The following PRKCE variants were observed in gnomAD, a reference collection of about 807,000 sequenced individuals.
The protein encoded by PRKCE is protein kinase C epsilon type.
In PRKCE, 16 loss-of-function variants were observed where a neutral mutation model predicts 85.4. The observed-to-expected ratio is 0.19, with a 90% CI of 0.13 to 0.28. The LOEUF (loss-of-function observed/expected upper bound fraction) is 0.28, where lower values mean the gene tolerates loss of function less well. Among genes scored for constraint, PRKCE ranks in the 10% least tolerant of loss-of-function variants. PRKCE has a pLI of 1.00. For missense variants in PRKCE, 573 were observed against 975.2 expected (o/e 0.59, Z 5.49); for synonymous variants, 388 against 371.5 (o/e 1.04, Z -0.51).
At chr2:46,057,635 C>T (rs867844483) in intron 10 of PRKCE, among the ~76,000 whole-genome samples, 2 of 151,972 alleles carry the variant, frequency 1.3e-5, no homozygotes, top group Non-Finnish European at 2.9e-5. Context: ...GGTTTCGCCA[C>T]GTTGGCCAGG....
In PRKCE at chr2:45,887,664, C is replaced by G. The variant is rs1482029057; in HGVS notation, c.412+44601C>G. Among the ~76,000 whole-genome samples the G allele has an allele frequency of 6.6e-5, 10 of 152,210 alleles. No homozygotes were observed. The East Asian group carries it at 1.9e-3, about 29-fold the overall frequency. The stretch of plus-strand genomic sequence containing the variant: ...TGACTTTTATGGTTCTAGAACCATG[C>G]CACATCAGCTATGATCAGCATCTGC... On this transcript the variant is annotated intron_variant, in intron 2 of 14. Transcript: ENST00000306156.
chr2:45,785,600 C>G (rs1686539676), intron 1 of PRKCE, among the ~76,000 whole-genome samples: 1 of 152,144 alleles, frequency 6.6e-6, no homozygotes, highest in South Asian at 2.1e-4. Context: ...AGGGGAGCTA[C>G]TACTTCAGGT....
intron 2 of PRKCE, among the ~76,000 whole-genome samples, chr2:45,909,347 T>C (rs1033805160): frequency 3.3e-5 from 5 of 152,224 alleles, no homozygotes; most frequent in African/African-American, 1.2e-4. Flanking sequence ...ATGTGGATGT[T>C]CATTTTCTCA....
intron 2 of PRKCE, among the ~76,000 whole-genome samples, chr2:45,958,615 C>A (rs1409950148): frequency 6.7e-6 from 1 of 150,170 alleles, no homozygotes; most frequent in East Asian, 1.9e-4. Flanking sequence ...TGGCCTCTCA[C>A]ACACCCCCTA....
At chr2:45,991,160 C>T (rs536826470) in intron 6 of PRKCE, among the ~76,000 whole-genome samples, 17 of 152,122 alleles carry the variant, frequency 1.1e-4, no homozygotes, top group South Asian at 6.2e-4. Flanking sequence ...GCACCTGCCA[C>T]CACGCCCGGC....
chr2:45,782,772 C>T (rs1218563424), intron 1 of PRKCE, among the ~76,000 whole-genome samples: 1 of 151,914 alleles, frequency 6.6e-6, no homozygotes, highest in African/African-American at 2.4e-5. Context: ...CACACACATA[C>T]ACACACACAC....
At chr2:45,687,646 G>A (rs1677403275) in intron 1 of PRKCE, among the ~76,000 whole-genome samples, 2 of 152,140 alleles carry the variant, frequency 1.3e-5, no homozygotes, top group Admixed American at 1.3e-4. Flanking sequence ...ATTACTCTAT[G>A]TTTCATTTTG....
At chr2:45,983,128 C>T (rs1703024468) in intron 5 of PRKCE, among the ~76,000 whole-genome samples, 1 of 152,176 alleles carries the variant, frequency 6.6e-6, no homozygotes, top group Non-Finnish European at 1.5e-5. Context: ...CCAGGCAAGA[C>T]CTCAAGTGGT....
intron 10 of PRKCE, among the ~76,000 whole-genome samples, chr2:46,040,664 T>C (rs1047954905): frequency 5.3e-5 from 8 of 152,174 alleles, no homozygotes; most frequent in Non-Finnish European, 1.2e-4. Flanking sequence ...AAATCTGCCT[T>C]TAAGTCTTCT....
intron 2 of PRKCE, among the ~76,000 whole-genome samples, chr2:45,918,692 A>G (rs1310466810): frequency 1.3e-5 from 2 of 152,188 alleles, no homozygotes; most frequent in African/African-American, 2.4e-5. Flanking sequence ...CTAAAGGCAC[A>G]TGTAGGAATG....
intron 2 of PRKCE, among the ~76,000 whole-genome samples, chr2:45,892,708 G>A (rs1490502354): frequency 6.6e-6 from 1 of 152,200 alleles, no homozygotes; most frequent in Non-Finnish European, 1.5e-5. Context: ...ACTCAAGAAT[G>A]TGTCTGTATA....
chr2:46,082,956 A>AT lies in PRKCE; in HGVS notation c.1438-3243dup, dbSNP rs927494275. Among the ~76,000 whole-genome samples the AT allele has an allele frequency of 8.6e-5, 13 of 151,558 alleles. No homozygotes were observed. The South Asian group carries it at 1.5e-3, about 17-fold the overall frequency. On this transcript the variant is annotated intron_variant, in intron 10 of 14. Transcript: ENST00000306156. ...CAGCTTCTATTACTCAATCATCCTG[A>AT]TTTTTTTTTGAGACGGAGTTTCTCT...
intron 2 of PRKCE, among the ~76,000 whole-genome samples, chr2:45,916,371 C>T (rs1367287447): frequency 6.6e-6 from 1 of 151,440 alleles, no homozygotes; most frequent in Non-Finnish European, 1.5e-5. Flanking sequence ...TCTCAAGTAG[C>T]TGGGACTAGA....
intron 10 of PRKCE, among the ~76,000 whole-genome samples, chr2:46,084,176 A>C (rs1669362671): frequency 6.6e-6 from 1 of 152,246 alleles, no homozygotes; most frequent in Non-Finnish European, 1.5e-5. Flanking sequence ...GGGCAAAGTA[A>C]ATGGAAGAAA....
At chr2:45,762,031 C>A (rs1274038098) in intron 1 of PRKCE, among the ~76,000 whole-genome samples, 1 of 152,192 alleles carries the variant, frequency 6.6e-6, no homozygotes, top group Non-Finnish European at 1.5e-5. Context: ...CCCACCCTCT[C>A]ACATGGGTTC....
intron 10 of PRKCE, among the ~76,000 whole-genome samples, chr2:46,029,275 T>G (rs1285747366): frequency 6.6e-6 from 1 of 152,220 alleles, no homozygotes; most frequent in African/African-American, 2.4e-5. Flanking sequence ...GAATTGGATT[T>G]GAACCAAGGC....
chr2:45,870,663 T>A (rs1214682806), intron 2 of PRKCE, among the ~76,000 whole-genome samples: 6 of 152,150 alleles, frequency 3.9e-5, no homozygotes, highest in African/African-American at 2.4e-5. Context: ...AGCCTCGTGG[T>A]CAAGGGTGTA....
chr2:45,944,762 A>G (rs1350525268), intron 2 of PRKCE, among the ~76,000 whole-genome samples: 2 of 141,374 alleles, frequency 1.4e-5, no homozygotes, highest in African/African-American at 5.4e-5. Context: ...TTGGCCTCCC[A>G]AAGTGCTGGG....
chr2:45,676,061 T>TTTTG (rs1242862266), intron 1 of PRKCE: 1 of 152,284 alleles, frequency 6.6e-6, no homozygotes, highest in African/African-American at 2.4e-5. Flanking sequence ...TGACTTGTTT[T>TTTTG]TTTGTTTGTT....
Sources: gnomAD v4.1 joint callset for allele counts (sites outside exome capture counted in the v4.1 genomes callset) on GRCh38, gnomAD v4.1.1 for gene constraint, MANE v1.5 for transcripts, NCBI Gene and HGNC (gene_info 2026-07-23, HGNC 2026-07-21) for gene names.